CNKSR3: variants seen among roughly 807,000 people sequenced by gnomAD.
CNKSR3 encodes the protein CNKSR family member 3, also known as connector enhancer of kinase suppressor of ras 3.
CNKSR3 carries 36 observed loss-of-function variants against 67.7 expected under a neutral mutation model. That is an observed-to-expected ratio of 0.53 (90% confidence interval 0.41 to 0.70). CNKSR3 has a LOEUF of 0.70. CNKSR3 is among the 30% of genes least tolerant of loss of function. CNKSR3 has a pLI of 0.00. For missense variants in CNKSR3, 630 were observed against 695.2 expected, an observed-to-expected ratio of 0.91 and a Z score of 1.05; for synonymous variants, 281 against 271.4, an observed-to-expected ratio of 1.04 and a Z score of -0.35.
Position 154,422,609 on chromosome 6 carries a change from TTC to T in CNKSR3, c.840_841del (p.Asn281SerfsTer9), listed in dbSNP as rs1562325128. ...AAGCAGTAACACAACTCCGGTGGGA[TTC>T]TCTCTCAATTTCTTCACCAGATTTT... On this transcript the variant is annotated frameshift_variant, in exon 9 of 13. Transcript: ENST00000607772. LOFTEE classifies it high-confidence loss of function. 1 of 1,613,782 alleles carries T rather than the reference TTC, an allele frequency of 6.2e-7. No individual in the cohort carries two copies. The highest frequency in any genetic ancestry group is 1.1e-5 in the South Asian group (1 of 91,048).
chr6:154,428,249 G>T, intron 6 of CNKSR3, 62 bp from the exon 7 acceptor site: 1 of 1,034,618 alleles, frequency 9.7e-7, no homozygotes, highest in Non-Finnish European at 1.5e-6. Flanking sequence ...AGCCCCGAGT[G>T]AGACTTAAAC....
chr6:154,466,817 G>A (rs1786212348), intron 1 of CNKSR3, among the ~76,000 whole-genome samples: 1 of 150,194 alleles, frequency 6.7e-6, no homozygotes, highest in South Asian at 2.1e-4. Context: ...ATAGAGACAG[G>A]GTCTCGATAT....
chr6:154,492,506 G>A (rs562315383), intron 1 of CNKSR3, among the ~76,000 whole-genome samples: 15 of 152,252 alleles, frequency 9.9e-5, no homozygotes, highest in African/African-American at 3.6e-4. Flanking sequence ...ACTTTGCAAG[G>A]CTGAGATGGG....
rs1358005032 is a variant in CNKSR3 at position 154,393,624 on chromosome 6, G to C, written c.*12730C>G. ...TAACTTTTTAAAAATTTTCTTTAAG[G>C]TGTCCTATGATGAGGAAAAGTTCTA... is the stretch of plus-strand genomic sequence containing the variant. On this transcript the variant is annotated 3_prime_UTR_variant, in exon 13 of 13. Coordinates refer to ENST00000607772, the MANE Select transcript of CNKSR3 (RefSeq NM_173515.4). 1 of 152,104 alleles carries C rather than the reference G, an allele frequency of 6.6e-6. No individual in the cohort carries two copies. The highest frequency in any genetic ancestry group is 6.5e-5 in the Admixed American group (1 of 15,280). The allele number at this position is 152,104 out of a possible 1,614,324, so 9.4% of individuals were successfully genotyped here. A position where few individuals can be genotyped will look rare whatever the true frequency, so the allele number is the denominator to read the frequency against.
intron 1 of CNKSR3, among the ~76,000 whole-genome samples, chr6:154,491,353 C>T (rs554180606): frequency 1.3e-5 from 2 of 152,290 alleles, no homozygotes; most frequent in South Asian, 2.1e-4. Flanking sequence ...ACTTGACAAA[C>T]GGTAGGTACT....
chr6:154,479,742 TAA>T (rs940819655), intron 1 of CNKSR3, among the ~76,000 whole-genome samples: 1 of 152,242 alleles, frequency 6.6e-6, no homozygotes, highest in Non-Finnish European at 1.5e-5. Flanking sequence ...TTAAAAAAAA[TAA>T]AGTGTCCTTT....
At chr6:154,472,307 GAATA>G (rs1786346940) in intron 1 of CNKSR3, among the ~76,000 whole-genome samples, 1 of 152,166 alleles carries the variant, frequency 6.6e-6, no homozygotes, top group Non-Finnish European at 1.5e-5. Flanking sequence ...CAGATTTTAA[GAATA>G]ATTATCATCT....
At position 154,392,084 on chromosome 6, in the gene CNKSR3, C is replaced by T. The variant is rs538595712; in HGVS notation, c.*14270G>A. On this transcript the variant is annotated 3_prime_UTR_variant, in exon 13 of 13. Coordinates refer to ENST00000607772, the MANE Select transcript of CNKSR3 (RefSeq NM_173515.4). Reference sequence around the variant, plus strand: ...AATTAGCTTGGTGTGGTGGTGCGCACCTGTAGTCCCAGCTACTCGGGCAGC... The same window carrying T: ...AATTAGCTTGGTGTGGTGGTGCGCATCTGTAGTCCCAGCTACTCGGGCAGC... The T allele has an allele frequency of 2.6e-5, 4 of 152,164 alleles. No individual in the cohort carries two copies. In the South Asian group the frequency reaches 8.3e-4, roughly 32 times the overall value. The allele number at this position is 152,164 out of a possible 1,614,324, so 9.4% of individuals were successfully genotyped here.
rs1784700558 is a variant in CNKSR3 at position 154,400,099 on chromosome 6, A to ATT, written c.*6253_*6254dup. 6.6e-6 allele frequency: 1 copy of ATT among 152,002 alleles called. No individual in the cohort carries two copies. The allele number at this position is 152,002 out of a possible 1,614,324, so 9.4% of individuals were successfully genotyped here. The stretch of plus-strand genomic sequence containing the variant: ...AAATACCTTTGAGGTTTATTTCTTA[A>ATT]TTTTTTTCCTCCAACTTCAGTTTCA... On this transcript the variant is annotated 3_prime_UTR_variant, in exon 13 of 13. Coordinates refer to ENST00000607772, the MANE Select transcript of CNKSR3 (RefSeq NM_173515.4).
At chr6:154,414,540 G>A in intron 9 of CNKSR3, 117 bp from the exon 10 acceptor site, 2 of 1,035,610 alleles carry the variant, frequency 1.9e-6, no homozygotes, top group Non-Finnish European at 3.0e-6. Flanking sequence ...AGGGACTGAG[G>A]TCATTCATGT....
chr6:154,463,754 C>T (rs116789392), intron 1 of CNKSR3, among the ~76,000 whole-genome samples: 470 of 152,244 alleles, frequency 3.1e-3, no homozygotes, highest in African/African-American at 0.01. Context: ...GTATCTAGGC[C>T]TCTGGCTCTG....
chr6:154,409,677 A>AC (rs1784868071), intron 12 of CNKSR3, among the ~76,000 whole-genome samples: 2 of 152,036 alleles, frequency 1.3e-5, no homozygotes, highest in Non-Finnish European at 2.9e-5. Context: ...ACATAGTAAG[A>AC]CCCCATCTCA....
At chr6:154,459,720 C>T (rs187468493) in intron 1 of CNKSR3, among the ~76,000 whole-genome samples, 4 of 152,344 alleles carry the variant, frequency 2.6e-5, no homozygotes, top group Admixed American at 2.6e-4. Flanking sequence ...CGAACAACCA[C>T]ACTTTGAGTT....
chr6:154,433,800 C>T (rs1038469233), intron 4 of CNKSR3: 1 of 290,520 alleles, frequency 3.4e-6, no homozygotes, highest in East Asian at 6.6e-5. Context: ...AACTGAAATC[C>T]ACCTACTCTC....
intron 1 of CNKSR3, among the ~76,000 whole-genome samples, chr6:154,488,301 C>CACAG (rs749099014): frequency 6.6e-6 from 1 of 152,160 alleles, no homozygotes; most frequent in Non-Finnish European, 1.5e-5. Context: ...GGAAGTCTAC[C>CACAG]ACAGTTTCAT....
rs1347869272 is a variant in CNKSR3 at position 154,405,059 on chromosome 6, G to T, written c.*1295C>A. The T allele has an allele frequency of 6.6e-6, 1 of 152,162 alleles. No individual in the cohort carries two copies. Among genetic ancestry groups the T allele is most frequent in the Non-Finnish European group, 1.5e-5 (1 of 68,022 alleles). The allele number at this position is 152,162 out of a possible 1,614,324, so 9.4% of individuals were successfully genotyped here. On this transcript the variant is annotated 3_prime_UTR_variant, in exon 13 of 13. Transcript: ENST00000607772. ...AGTAGGAGATTTCGGCTCTGCCTAG[G>T]AAGATACCTCAGAAAATTCCCCTCG...
chr6:154,497,181 C>T (rs970101209), intron 1 of CNKSR3, among the ~76,000 whole-genome samples: 1 of 151,650 alleles, frequency 6.6e-6, no homozygotes, highest in Non-Finnish European at 1.5e-5. Context: ...GAATTTGAAA[C>T]CAGCCTGGGA....
At chr6:154,419,077 G>T (rs1415385637) in intron 9 of CNKSR3, among the ~76,000 whole-genome samples, 20 of 128,374 alleles carry the variant, frequency 1.6e-4, no homozygotes, top group African/African-American at 5.4e-4. Flanking sequence ...GTCTCACTCT[G>T]TCACTCAGGG....
chr6:154,505,566 C>T (rs371265805), intron 1 of CNKSR3, among the ~76,000 whole-genome samples: 11 of 149,874 alleles, frequency 7.3e-5, no homozygotes, highest in South Asian at 4.2e-4. Flanking sequence ...GGCACGATCT[C>T]GGCTCACTGC....
Sources: gnomAD v4.1 joint callset for allele counts (sites outside exome capture counted in the v4.1 genomes callset) on GRCh38, gnomAD v4.1.1 for gene constraint, MANE v1.5 for transcripts, NCBI Gene and HGNC (gene_info 2026-07-23, HGNC 2026-07-21) for gene names.